The following KHDRBS1 variants were observed in gnomAD, a reference collection of about 807,000 sequenced individuals.
The protein encoded by KHDRBS1 is KH RNA binding domain containing, signal transduction associated 1.
In KHDRBS1, 7 loss-of-function variants were observed where a neutral mutation model predicts 48.4. The observed-to-expected ratio is 0.14, with a 90% CI of 0.08 to 0.27. The LOEUF (loss-of-function observed/expected upper bound fraction) is 0.27. Among genes scored for constraint, KHDRBS1 ranks in the 10% least tolerant of loss-of-function variants. The pLI is 1.00. For synonymous variants in KHDRBS1, 241 were observed against 235.8 expected (o/e 1.02, Z -0.20); for missense variants, 458 against 601.2 (o/e 0.76, Z 2.49).
rs1016578515 is a variant in KHDRBS1, at chr1:32,043,108, T to G, written c.*484T>G. 6.5e-6 allele frequency: 1 copy of G among 152,826 alleles called. No homozygotes were observed. Among genetic ancestry groups the G allele is most frequent in the African/African-American group, 2.4e-5 (1 of 41,436 alleles). 9.5% of individuals were successfully genotyped at this position (152,826 alleles called of 1,614,324 possible). A position where few individuals can be genotyped will look rare whatever the true frequency, so the allele number is the denominator to read the frequency against. ...TTCAAAATTCAGGGCTGTTTAAGAT[T>G]TAAAATCACAAACATTAACGGCAGT... On this transcript the variant is annotated 3_prime_UTR_variant, in exon 9 of 9. Coordinates refer to ENST00000327300, the MANE Select transcript of KHDRBS1 (RefSeq NM_006559.3).
chr1:32,058,131 A>T (rs1017674096), intron 10 of KHDRBS1, among the ~76,000 whole-genome samples: 2 of 150,360 alleles, frequency 1.3e-5, no homozygotes, highest in African/African-American at 4.9e-5. Flanking sequence ...AAAAAAAAAC[A>T]GATGGGGTCT....
At chr1:32,059,072 A>G (rs1252170026) in intron 10 of KHDRBS1, among the ~76,000 whole-genome samples, 1 of 150,058 alleles carries the variant, frequency 6.7e-6, no homozygotes, top group African/African-American at 2.5e-5. Flanking sequence ...GAGGAGAATC[A>G]CTGGAACCCA....
intron 10 of KHDRBS1, chr1:32,052,849 C>T (rs1639439588): frequency 6.6e-6 from 1 of 152,136 alleles, no homozygotes; most frequent in Non-Finnish European, 1.5e-5. Context: ...CCCATTTTTA[C>T]ACATGATGAA....
At chr1:32,050,886 G>T (rs1272096691) in intron 10 of KHDRBS1, among the ~76,000 whole-genome samples, 9 of 149,510 alleles carry the variant, frequency 6.0e-5, no homozygotes, top group Admixed American at 2.7e-4. Flanking sequence ...CTGGGGTGGG[G>T]GTTCAAATTA....
rs116389576 is a variant in KHDRBS1, at chr1:32,023,220, G to T, written c.383-7078G>T. ...TAAAATCTACAAAAAAAACAAAAGT[G>T]GGGGGTGGGAAAGGTTAAGTTATAG... On this transcript the variant is annotated intron_variant, in intron 1 of 8. Transcript: ENST00000327300. 4.0e-3 allele frequency among the ~76,000 whole-genome samples: 613 copies of T among 152,196 alleles called. 7 individuals are homozygous for T. Among genetic ancestry groups the T allele is most frequent in the African/African-American group, 0.014 (579 of 41,526 alleles).
chr1:32,033,237 T>A lies in KHDRBS1; in HGVS notation c.674T>A (p.Met225Lys), dbSNP rs1367396015. Residue 225 changes from methionine (M) to lysine (K), a missense_variant, in exon 4 of 9, where the codon ATG becomes AAG. Coordinates refer to ENST00000327300, the MANE Select transcript of KHDRBS1 (RefSeq NM_006559.3). ...GGDPKYAHLNMDLHVFIEVFG... is the reference protein window; with the variant it reads ...GGDPKYAHLNKDLHVFIEVFG... ...GACCCCAAATATGCCCACTTGAATA[T>A]GGATCTGCATGTCTTCATTGAAGTC... The A allele has an allele frequency of 6.2e-7, 1 of 1,614,180 alleles. No homozygotes were observed. Among genetic ancestry groups the A allele is most frequent in the Non-Finnish European group, 8.5e-7 (1 of 1,180,016 alleles).
chr1:32,039,050 C>T (rs1320039495), intron 7 of KHDRBS1, among the ~76,000 whole-genome samples: 4 of 152,138 alleles, frequency 2.6e-5, no homozygotes, highest in African/African-American at 7.2e-5. Context: ...ATTAAAGCTC[C>T]ATAAAATTTT....
Position 32,013,937 on chromosome 1 carries a change from C to T in KHDRBS1, c.-59C>T. ...GCTCTGCCACCCCCGCCAACCGCCG[C>T]TCGGGCCTCCGTCGCTGCCGCGTCG... On this transcript the variant is annotated 5_prime_UTR_variant, in exon 1 of 9. Coordinates refer to ENST00000327300, the MANE Select transcript of KHDRBS1 (RefSeq NM_006559.3). 1.0e-5 allele frequency: 14 copies of T among 1,361,766 alleles called. No homozygotes were observed. Among genetic ancestry groups the T allele is most frequent in the Non-Finnish European group, 1.3e-5 (14 of 1,059,522 alleles). The allele number at this position is 1,361,766 out of a possible 1,614,324, so 84.4% of individuals were successfully genotyped here. A position where few individuals can be genotyped will look rare whatever the true frequency, so the allele number is the denominator to read the frequency against.
rs1310080911 is a variant in KHDRBS1, at chr1:32,014,093, C to T, written c.98C>T (p.Thr33Met). ...GGTGCCCACCCCTCGGTGCGTCAGA[C>T]GCCGTCTCGGCAGCCGCCGCTGCCT... ...PSGAHPSVRQ[T>M]PSRQPPLPHR... The change falls in exon 1 of 9, where the codon ACG (threonine) becomes ATG (methionine). Residue 33 changes from threonine (T) to methionine (M), a missense_variant. Physicochemically the swap from Thr to Met is moderately conservative, Grantham distance 81 (BLOSUM62 -1). Transcript: ENST00000327300. 6.9e-7 allele frequency: 1 copy of T among 1,453,658 alleles called. No individual in the cohort carries two copies. The highest frequency in any genetic ancestry group is 9.0e-7 in the Non-Finnish European group (1 of 1,106,636). The allele number at this position is 1,453,658 out of a possible 1,614,324, so 90.0% of individuals were successfully genotyped here. A position where few individuals can be genotyped will look rare whatever the true frequency, so the allele number is the denominator to read the frequency against.
At chr1:32,022,082 C>T (rs1163220021) in intron 1 of KHDRBS1, among the ~76,000 whole-genome samples, 1 of 151,920 alleles carries the variant, frequency 6.6e-6, no homozygotes, top group Non-Finnish European at 1.5e-5. Flanking sequence ...ATTCTCCTCT[C>T]TCAGCCTCCT....
rs112180138 is a variant in KHDRBS1 at position 32,024,486 on chromosome 1, A to AT, written c.383-5798dup. ...CCACCACACTGAGCTAATTTAATTT[A>AT]TTTTTTTTTTTTTTAATTTTAGTAA... On this transcript the variant is annotated intron_variant, in intron 1 of 8. Coordinates refer to ENST00000327300, the MANE Select transcript of KHDRBS1 (RefSeq NM_006559.3). Among the ~76,000 whole-genome samples, 586 of 141,862 alleles carry AT rather than the reference A, an allele frequency of 4.1e-3. 2 individuals are homozygous for AT. Among genetic ancestry groups the AT allele is most frequent in the South Asian group, 0.017 (77 of 4,432 alleles). 93.1% of individuals were successfully genotyped at this position (141,862 alleles called of 152,430 possible). A position where few individuals can be genotyped will look rare whatever the true frequency, so the allele number is the denominator to read the frequency against.
At chr1:32,018,599 AC>A (rs1638790993) in intron 1 of KHDRBS1, among the ~76,000 whole-genome samples, 2 of 151,896 alleles carry the variant, frequency 1.3e-5, no homozygotes, top group Non-Finnish European at 2.9e-5. Context: ...ACTAAAAGAT[AC>A]AAAAAAATTA....
intron 4 of KHDRBS1, among the ~76,000 whole-genome samples, chr1:32,033,666 T>C (rs1328405090): frequency 6.6e-6 from 1 of 152,204 alleles, no homozygotes; most frequent in African/African-American, 2.4e-5. Context: ...TTGGTAGTAG[T>C]GTGGAACAAG....
chr1:32,027,225 C>G (rs1638993247), intron 1 of KHDRBS1, among the ~76,000 whole-genome samples: 1 of 152,224 alleles, frequency 6.6e-6, no homozygotes, highest in Non-Finnish European at 1.5e-5. Flanking sequence ...AGCCACCTCT[C>G]CTGGCCTGTT....
At chr1:32,056,442 T>A (rs962376096) in intron 10 of KHDRBS1, among the ~76,000 whole-genome samples, 2 of 152,242 alleles carry the variant, frequency 1.3e-5, no homozygotes, top group African/African-American at 4.8e-5. Context: ...TTTCTGATCT[T>A]AATATTGCAT....
intron 10 of KHDRBS1, among the ~76,000 whole-genome samples, chr1:32,050,224 C>A (rs904921966): frequency 6.6e-6 from 1 of 152,146 alleles, no homozygotes; most frequent in Non-Finnish European, 1.5e-5. Context: ...ATACTTTGCC[C>A]ACTTTTAAAT....
intron 3 of KHDRBS1, among the ~76,000 whole-genome samples, chr1:32,032,081 C>T (rs926776300): frequency 1.4e-4 from 21 of 152,098 alleles, no homozygotes; most frequent in African/African-American, 5.1e-4. Flanking sequence ...TGTTTTATAG[C>T]CGGTTTGGAA....
chr1:32,016,387 T>G (rs917824503), intron 1 of KHDRBS1, among the ~76,000 whole-genome samples: 1 of 152,074 alleles, frequency 6.6e-6, no homozygotes, highest in Non-Finnish European at 1.5e-5. Context: ...TTAGTAAGCA[T>G]CGTAACCAGG....
At chr1:32,024,481 AATTT>A (rs1440853216) in intron 1 of KHDRBS1, among the ~76,000 whole-genome samples, 1 of 149,350 alleles carries the variant, frequency 6.7e-6, no homozygotes, top group Non-Finnish European at 1.5e-5. Flanking sequence ...GAGCTAATTT[AATTT>A]ATTTTTTTTT....
Sources: allele counts gnomAD v4.1 joint callset (sites outside exome capture counted in the v4.1 genomes callset), GRCh38; gene constraint gnomAD v4.1.1; transcripts MANE v1.5; gene names NCBI Gene and HGNC (gene_info 2026-07-23, HGNC 2026-07-21).